Variants in ZNF248 observed in about 807,000 individuals in gnomAD.
ZNF248 encodes zinc finger protein 248.
Under a neutral mutation model 44.3 loss-of-function variants are expected in ZNF248, and 20 were observed. The ratio of observed to expected loss-of-function variants is 0.45; its 90% CI spans 0.32 to 0.66. The LOEUF (loss-of-function observed/expected upper bound fraction) is 0.66. ZNF248 is among the 30% of genes least tolerant of loss of function. ZNF248 has a pLI of 0.04. For missense variants in ZNF248, 654 were observed against 677.0 expected, an observed-to-expected ratio of 0.97 and a Z score of 0.38; for synonymous variants, 224 against 229.0, an observed-to-expected ratio of 0.98 and a Z score of 0.20.
At position 37,830,578 on chromosome 10, in the gene ZNF248, G is replaced by C; in HGVS notation, c.*1037C>G. On this transcript the variant is annotated 3_prime_UTR_variant, in exon 6 of 6. Transcript: ENST00000395867. Reference sequence around the variant, plus strand: ...TGTCAGGAAATAGAAGGGGTATGTGGTTTGTATTGCCAAATACGTTTTCAT... The same window carrying C: ...TGTCAGGAAATAGAAGGGGTATGTGCTTTGTATTGCCAAATACGTTTTCAT... The C allele has an allele frequency of 1.0e-6, 1 of 985,366 alleles. No homozygotes were observed. The highest frequency in any genetic ancestry group is 1.2e-6 in the Non-Finnish European group (1 of 829,914). 61.0% of individuals were successfully genotyped at this position (985,366 alleles called of 1,614,324 possible). A position where few individuals can be genotyped will look rare whatever the true frequency, so the allele number is the denominator to read the frequency against.
At chr10:37,839,961 T>C (rs1315439402) in intron 3 of ZNF248, among the ~76,000 whole-genome samples, 1 of 152,168 alleles carries the variant, frequency 6.6e-6, no homozygotes, top group Non-Finnish European at 1.5e-5. Context: ...CTTAATGCAA[T>C]AGCTATCATA....
chr10:37,775,845 T>C (rs995662766), downstream of ZNF248, among the ~76,000 whole-genome samples: 1 of 152,130 alleles, frequency 6.6e-6, no homozygotes, highest in Non-Finnish European at 1.5e-5. Flanking sequence ...AAAGATCTGT[T>C]TTAAGATTGT....
chr10:37,825,225 AATG>A (rs762845206), downstream of ZNF248, among the ~76,000 whole-genome samples: 6 of 152,182 alleles, frequency 3.9e-5, no homozygotes, highest in Non-Finnish European at 8.8e-5. Context: ...GCTATTATAA[AATG>A]ATGAGCACCT....
In ZNF248 at chr10:37,832,498, CCAAACCTTAAATT is replaced by C. The variant is rs1177949674; in HGVS notation, c.844_856del (p.Asn282AspfsTer44). 1 of 1,613,928 alleles carries C rather than the reference CCAAACCTTAAATT, an allele frequency of 6.2e-7. No individual in the cohort carries two copies. The highest frequency in any genetic ancestry group is 1.7e-5 in the Admixed American group (1 of 59,990). On this transcript the variant is annotated frameshift_variant, in exon 6 of 6. Transcript: ENST00000395867. LOFTEE classifies it high-confidence loss of function. ...GTCCTTTGTAAGAGCTCTCTGATGT[CCAAACCTTAAATT>C]CATGCAGAAGGACTTCCCGCAAATA...
chr10:37,817,565 G>A (rs1801675072), intron 6 of ZNF248, among the ~76,000 whole-genome samples: 1 of 152,018 alleles, frequency 6.6e-6, no homozygotes, highest in African/African-American at 2.4e-5. Flanking sequence ...GGAAGCAATT[G>A]CAAACAGGAG....
At chr10:37,774,231 G>A (rs1022149803), downstream of ZNF248, among the ~76,000 whole-genome samples, 2 of 152,172 alleles carry the variant, frequency 1.3e-5, no homozygotes, top group South Asian at 2.1e-4. Flanking sequence ...ATCCAGAACT[G>A]GGAGAGAATA....
At chr10:37,826,902 G>A (rs188585673), downstream of ZNF248, among the ~76,000 whole-genome samples, 23 of 152,122 alleles carry the variant, frequency 1.5e-4, no homozygotes, top group Admixed American at 1.5e-3. Flanking sequence ...TTCTCTACAG[G>A]CTCATATATA....
chr10:37,812,093 C>T (rs1004361094), intron 6 of ZNF248, among the ~76,000 whole-genome samples: 2 of 151,830 alleles, frequency 1.3e-5, no homozygotes, highest in East Asian at 1.9e-4. Flanking sequence ...AAAAATTAGC[C>T]GGTCATGGTG....
chr10:37,820,425 C>A lies in ZNF248; in HGVS notation c.330+12600G>T. ...GCTGTTGGCAGAGCAGACTGCTCCT[C>A]CGTTGCCTCCTTTGCAGTGCTGCCA... On this transcript the variant is annotated intron_variant, in intron 6 of 6. Coordinates refer to the ZNF248 transcript ENST00000615949. The A allele has an allele frequency of 3.2e-6, 5 of 1,554,720 alleles. No individual in the cohort carries two copies. In the Admixed American group the frequency reaches 8.4e-5, roughly 26 times the overall value.
At chr10:37,798,966 G>T (rs893205772) in intron 6 of ZNF248, among the ~76,000 whole-genome samples, 6 of 151,936 alleles carry the variant, frequency 3.9e-5, no homozygotes, top group Non-Finnish European at 4.4e-5. Context: ...AGTAATAGCT[G>T]GCCCTGTTAG....
In ZNF248 at chr10:37,830,098, C is replaced by T; in HGVS notation, c.*1517G>A. The T allele has an allele frequency of 1.0e-6, 1 of 985,356 alleles. No individual in the cohort carries two copies. Among genetic ancestry groups the T allele is most frequent in the Non-Finnish European group, 1.2e-6 (1 of 829,924 alleles). 61.0% of individuals were successfully genotyped at this position (985,356 alleles called of 1,614,324 possible). A position where few individuals can be genotyped will look rare whatever the true frequency, so the allele number is the denominator to read the frequency against. Reference sequence around the variant, plus strand: ...ATACGCAGAACTAGTGTTACATAGACCGTGCCCAAACAGATACACAATGAA... The same window carrying T: ...ATACGCAGAACTAGTGTTACATAGATCGTGCCCAAACAGATACACAATGAA... On this transcript the variant is annotated 3_prime_UTR_variant, in exon 6 of 6. Transcript: ENST00000395867.
At chr10:37,768,201 A>T in the ZNF248 span, among the ~76,000 whole-genome samples, 1 of 152,284 alleles carries the variant, frequency 6.6e-6, no homozygotes, top group South Asian at 2.1e-4. Context: ...CCCACTGACA[A>T]CATTAGATAG....
chr10:37,804,851 G>A (rs2050336992), intron 6 of ZNF248, among the ~76,000 whole-genome samples: 1 of 152,044 alleles, frequency 6.6e-6, no homozygotes. Context: ...CTAAAGCAAT[G>A]GAGTTCATTC....
At chr10:37,820,077 C>G (rs2053206921) in intron 6 of ZNF248, 4 of 843,322 alleles carry the variant, frequency 4.7e-6, no homozygotes, top group Non-Finnish European at 8.3e-6. Context: ...CCTTGTATCT[C>G]TGTAGCATCT....
At chr10:37,836,551 A>G (rs1733545061) in intron 5 of ZNF248, among the ~76,000 whole-genome samples, 1 of 152,118 alleles carries the variant, frequency 6.6e-6, no homozygotes, top group Admixed American at 6.5e-5. Flanking sequence ...GAATCCACAT[A>G]GCTCACACTT....
chr10:37,811,363 A>G (rs1482713757), intron 6 of ZNF248, among the ~76,000 whole-genome samples: 1 of 152,208 alleles, frequency 6.6e-6, no homozygotes, highest in African/African-American at 2.4e-5. Flanking sequence ...GGATTGCCAT[A>G]AGGCACACCT....
At chr10:37,769,198 G>A in the ZNF248 span, among the ~76,000 whole-genome samples, 10 of 152,272 alleles carry the variant, frequency 6.6e-5, no homozygotes, top group South Asian at 1.2e-3. Flanking sequence ...GAGGTACGAG[G>A]AGGACCTGGT....
At chr10:37,766,494 T>C in the ZNF248 span, among the ~76,000 whole-genome samples, 1 of 152,174 alleles carries the variant, frequency 6.6e-6, no homozygotes, top group Admixed American at 6.5e-5. Flanking sequence ...CAGCCACCAC[T>C]GCTGATACCC....
At chr10:37,839,377 T>TAAC (rs2057879928) in intron 3 of ZNF248, among the ~76,000 whole-genome samples, 1 of 152,090 alleles carries the variant, frequency 6.6e-6, no homozygotes, top group Non-Finnish European at 1.5e-5. Context: ...AATACATCAG[T>TAAC]AACAACTGAC....
Sources: gnomAD v4.1 joint callset for allele counts (sites outside exome capture counted in the v4.1 genomes callset) on GRCh38, gnomAD v4.1.1 for gene constraint, MANE v1.5 for transcripts, NCBI Gene and HGNC (gene_info 2026-07-23, HGNC 2026-07-21) for gene names.